Variants in CDH6 observed in about 807,000 individuals in gnomAD.
CDH6 encodes the protein cadherin-6.
Under a neutral mutation model 78.0 loss-of-function variants are expected in CDH6, and 31 were observed. The ratio of observed to expected loss-of-function variants is 0.40; its 90% CI spans 0.30 to 0.54. The LOEUF (loss-of-function observed/expected upper bound fraction) is 0.54, where lower values mean the gene tolerates loss of function less well. Ranked by LOEUF, CDH6 falls within the 20% of genes least tolerant of loss-of-function variation. The pLI is 0.56. For synonymous variants in CDH6, 376 were observed against 368.8 expected, an observed-to-expected ratio of 1.02 and a Z score of -0.23; for missense variants, 724 against 975.9, an observed-to-expected ratio of 0.74 and a Z score of 3.44.
chr5:31,214,012 C>T lies in CDH6; in HGVS notation c.-129+20126C>T, dbSNP rs117687908. On this transcript the variant is annotated intron_variant, in intron 1 of 11. Coordinates refer to ENST00000265071, the MANE Select transcript of CDH6 (RefSeq NM_004932.4). ...TGAGTCCGAGGCTTCTACTTTGTAA[C>T]TCCCTACCCCTGTGGCATTCATGAG... Among the ~76,000 whole-genome samples, 27 of 152,198 alleles carry T rather than the reference C, an allele frequency of 1.8e-4. No homozygotes were observed. The East Asian group carries it at 3.7e-3, about 21-fold the overall frequency.
At chr5:31,239,919 C>A (rs371311373) in intron 1 of CDH6, among the ~76,000 whole-genome samples, 3 of 152,180 alleles carry the variant, frequency 2.0e-5, no homozygotes, top group African/African-American at 7.2e-5. Flanking sequence ...TGAACAGAGA[C>A]AATTCTTCAA....
intron 1 of CDH6, among the ~76,000 whole-genome samples, chr5:31,241,376 C>G (rs1741596799): frequency 6.6e-6 from 1 of 152,212 alleles, no homozygotes; most frequent in South Asian, 2.1e-4. Flanking sequence ...TTTGGATCCC[C>G]TCATCCAGAA....
At chr5:31,252,718 G>A (rs189487899) in intron 1 of CDH6, among the ~76,000 whole-genome samples, 1 of 151,446 alleles carries the variant, frequency 6.6e-6, no homozygotes, top group South Asian at 2.1e-4. Context: ...TAGGTATAAA[G>A]TTTTCTTTTC....
At chr5:31,276,780 C>T (rs1202471476) in intron 2 of CDH6, among the ~76,000 whole-genome samples, 1 of 152,178 alleles carries the variant, frequency 6.6e-6, no homozygotes, top group East Asian at 1.9e-4. Context: ...ATTTAATCTC[C>T]CTGTGCCCCC....
chr5:31,217,797 C>T (rs1475543677), intron 1 of CDH6, among the ~76,000 whole-genome samples: 2 of 152,142 alleles, frequency 1.3e-5, no homozygotes, highest in Non-Finnish European at 2.9e-5. Context: ...CCAGCTCTGC[C>T]TCTATTTAAC....
At chr5:31,203,194 T>G (rs1410856105) in intron 1 of CDH6, among the ~76,000 whole-genome samples, 1 of 151,552 alleles carries the variant, frequency 6.6e-6, no homozygotes, top group Non-Finnish European at 1.5e-5. Flanking sequence ...CCTGCTTTTT[T>G]ATAAAGCGAG....
chr5:31,250,936 G>T (rs1018293061), intron 1 of CDH6: 2 of 152,460 alleles, frequency 1.3e-5, no homozygotes, highest in African/African-American at 4.8e-5. Flanking sequence ...CACAGGAAAA[G>T]GTCCCTCCAC....
intron 7 of CDH6, among the ~76,000 whole-genome samples, chr5:31,307,124 T>G (rs1182654413): frequency 6.6e-6 from 1 of 151,864 alleles, no homozygotes; most frequent in Non-Finnish European, 1.5e-5. Flanking sequence ...TGATGAGGAG[T>G]GTAGCAGGTC....
chr5:31,243,401 G>A (rs539361755), intron 1 of CDH6, among the ~76,000 whole-genome samples: 3 of 152,182 alleles, frequency 2.0e-5, no homozygotes, highest in Non-Finnish European at 2.9e-5. Context: ...GGAAGCACAG[G>A]GGGTGGTTGG....
At chr5:31,233,430 G>A (rs539694641) in intron 1 of CDH6, among the ~76,000 whole-genome samples, 6 of 151,498 alleles carry the variant, frequency 4.0e-5, no homozygotes, top group Admixed American at 6.6e-5. Flanking sequence ...TGGGAGGATC[G>A]CTTGAGCCTG....
chr5:31,219,674 A>T, intron 1 of CDH6, among the ~76,000 whole-genome samples: 1 of 152,104 alleles, frequency 6.6e-6, no homozygotes, highest in Non-Finnish European at 1.5e-5. Flanking sequence ...ATATTGTCCA[A>T]TTTCCCCTGA....
chr5:31,294,395 G>C lies in CDH6; in HGVS notation c.523+139G>C. On this transcript the variant is annotated intron_variant, in intron 3 of 11. Coordinates refer to ENST00000265071, the MANE Select transcript of CDH6 (RefSeq NM_004932.4). The surrounding 1 kb of genome is among the most constrained non-coding windows in gnomAD (Gnocchi z 4.1). ...CAATCCATGTATGTCCTTTCTGTAA[G>C]TGCATATGTTTCCTAATATTACTCT... 1.5e-6 allele frequency: 1 copy of C among 682,796 alleles called. No individual in the cohort carries two copies. The highest frequency in any genetic ancestry group is 1.8e-5 in the African/African-American group (1 of 55,810). 42.3% of individuals were successfully genotyped at this position (682,796 alleles called of 1,614,324 possible).
At chr5:31,281,651 A>T (rs1056061228) in intron 2 of CDH6, among the ~76,000 whole-genome samples, 21 of 152,348 alleles carry the variant, frequency 1.4e-4, no homozygotes, top group African/African-American at 5.0e-4. Context: ...TTAATAAACT[A>T]AAAGGCATTT....
rs1738587361 is a variant in CDH6, at chr5:31,324,933, T to C, written c.*1625T>C. On this transcript the variant is annotated 3_prime_UTR_variant, in exon 12 of 12. Coordinates refer to ENST00000265071, the MANE Select transcript of CDH6 (RefSeq NM_004932.4). ...AAAAGACAGGCTCTGTATATATATA[T>C]ACTTAAGAATATGCTGACTTCACTT... 1 of 200,478 alleles carries C rather than the reference T, an allele frequency of 5.0e-6. No homozygotes were observed. The highest frequency in any genetic ancestry group is 1.0e-5 in the Non-Finnish European group (1 of 97,472). The allele number at this position is 200,478 out of a possible 1,614,324, so 12.4% of individuals were successfully genotyped here.
intron 2 of CDH6, among the ~76,000 whole-genome samples, chr5:31,272,729 A>G (rs1742561212): frequency 6.6e-6 from 1 of 152,144 alleles, no homozygotes; most frequent in South Asian, 2.1e-4. Flanking sequence ...CCCTCCTTCC[A>G]CACAATGTAT....
chr5:31,306,217 T>A (rs1355977734), intron 7 of CDH6, among the ~76,000 whole-genome samples: 1 of 152,216 alleles, frequency 6.6e-6, no homozygotes, highest in Non-Finnish European at 1.5e-5. Flanking sequence ...CTTTTGTAGA[T>A]GTAGATAAAA....
At chr5:31,258,745 A>C (rs763148071) in intron 1 of CDH6, among the ~76,000 whole-genome samples, 9 of 152,128 alleles carry the variant, frequency 5.9e-5, no homozygotes, top group Non-Finnish European at 1.3e-4. Flanking sequence ...TGCTGCTCTT[A>C]GTTAGCTTGT....
chr5:31,302,757 GAAA>G (rs1737807462), intron 6 of CDH6, among the ~76,000 whole-genome samples: 1 of 95,282 alleles, frequency 1.0e-5, no homozygotes, highest in Non-Finnish European at 2.1e-5. Flanking sequence ...GAAGGAGAAA[GAAA>G]GAAAGAAAGA....
Position 31,325,335 on chromosome 5 carries a change from C to G in CDH6, c.*2027C>G. Reference sequence around the variant, plus strand: ...ATACACACACATACACACACACACACACACACACACACACACACACGAATG... The same window carrying G: ...ATACACACACATACACACACACACAGACACACACACACACACACACGAATG... On this transcript the variant is annotated 3_prime_UTR_variant, in exon 12 of 12. Coordinates refer to ENST00000265071, the MANE Select transcript of CDH6 (RefSeq NM_004932.4). 1 of 231,374 alleles carries G rather than the reference C, an allele frequency of 4.3e-6. No individual in the cohort carries two copies. Among genetic ancestry groups the G allele is most frequent in the East Asian group, 6.1e-5 (1 of 16,380 alleles). 14.3% of individuals were successfully genotyped at this position (231,374 alleles called of 1,614,324 possible).
Sources: allele counts gnomAD v4.1 joint callset (sites outside exome capture counted in the v4.1 genomes callset), GRCh38; gene constraint gnomAD v4.1.1; non-coding constraint Gnocchi (gnomAD v3.1); transcripts MANE v1.5; gene names NCBI Gene and HGNC (gene_info 2026-07-23, HGNC 2026-07-21).